The following NTAQ1 variants were observed in gnomAD, a reference collection of about 807,000 sequenced individuals.
NTAQ1 encodes the protein N-terminal glutamine amidase 1.
NTAQ1 carries 21 observed loss-of-function variants against 28.2 expected under a neutral mutation model. The observed-to-expected ratio is 0.74, with a 90% CI of 0.53 to 1.07. The LOEUF is 1.07. Among genes scored for constraint, NTAQ1 ranks in the 50% least tolerant of loss-of-function variants. The pLI is 0.00. For synonymous variants in NTAQ1, 105 were observed against 90.0 expected (o/e 1.17, Z -0.94); for missense variants, 264 against 256.6 (o/e 1.03, Z -0.20).
At chr8:123,465,768 G>T (rs767023317) in intron 6 of NTAQ1, among the ~76,000 whole-genome samples, 74 of 151,768 alleles carry the variant, frequency 4.9e-4, no homozygotes, top group Non-Finnish European at 7.8e-4. Context: ...TTTCAGTAGA[G>T]ATGGGGTTTC....
chr8:123,452,676 C>T (rs1815536800), downstream of NTAQ1, among the ~76,000 whole-genome samples: 3 of 151,654 alleles, frequency 2.0e-5, no homozygotes, highest in South Asian at 2.1e-4. Context: ...CCTAGGCGGG[C>T]GGATCACCTG....
At chr8:123,473,873 C>T (rs766026706), downstream of NTAQ1, among the ~76,000 whole-genome samples, 7 of 151,982 alleles carry the variant, frequency 4.6e-5, no homozygotes, top group Non-Finnish European at 7.4e-5. Context: ...ATAAAAGCTC[C>T]TGGTACATTA....
chr8:123,475,465 A>G, the NTAQ1 span, among the ~76,000 whole-genome samples: 1 of 152,202 alleles, frequency 6.6e-6, no homozygotes, highest in Non-Finnish European at 1.5e-5. Flanking sequence ...AAATATATGC[A>G]GGTATGCTAA....
downstream of NTAQ1, among the ~76,000 whole-genome samples, chr8:123,450,721 T>A (rs954571823): frequency 6.6e-6 from 1 of 152,062 alleles, no homozygotes; most frequent in African/African-American, 2.4e-5. Flanking sequence ...TCAGGGATAT[T>A]TCATCCAGGT....
intron 5 of NTAQ1, 29 bp downstream of exon 5, chr8:123,437,363 G>T: frequency 1.2e-6 from 2 of 1,612,850 alleles, no homozygotes; most frequent in South Asian, 2.2e-5. Context: ...TCAGATGGGG[G>T]TTCTGATTGA....
At chr8:123,452,733 C>G (rs1216163211), downstream of NTAQ1, among the ~76,000 whole-genome samples, 3 of 137,718 alleles carry the variant, frequency 2.2e-5, no homozygotes, top group Non-Finnish European at 4.8e-5. Flanking sequence ...GAAACCCCGT[C>G]TTTACTAAAA....
At chr8:123,450,578 G>A (rs1369762806), downstream of NTAQ1, among the ~76,000 whole-genome samples, 1 of 152,062 alleles carries the variant, frequency 6.6e-6, no homozygotes, top group Non-Finnish European at 1.5e-5. Context: ...GTCCTCCAGG[G>A]CCACTGTCTC....
downstream of NTAQ1, among the ~76,000 whole-genome samples, chr8:123,473,298 C>T (rs774803696): frequency 1.4e-4 from 20 of 140,110 alleles, no homozygotes; most frequent in Non-Finnish European, 2.6e-4. Context: ...TCTTGAAATT[C>T]TTTTTTTTTT....
intron 6 of NTAQ1, chr8:123,455,085 A>G (rs1219205567): frequency 6.6e-6 from 1 of 152,238 alleles, no homozygotes; most frequent in Non-Finnish European, 1.5e-5. Flanking sequence ...CTCATTGGCT[A>G]TGATACTGCC....
rs189012903 is a variant in NTAQ1 at position 123,453,454 on chromosome 8, G to A, written c.372+12105G>A. On this transcript the variant is annotated intron_variant, in intron 6 of 6. Transcript: ENST00000650311. Reference sequence around the variant, plus strand: ...TTTTTTTTTTCTTTTTTGGAACAGAGTTTTGCTCTTGTCACCTAGGCTGGA... The same window carrying A: ...TTTTTTTTTTCTTTTTTGGAACAGAATTTTGCTCTTGTCACCTAGGCTGGA... 1.3e-3 allele frequency among the ~76,000 whole-genome samples: 197 copies of A among 149,912 alleles called. 2 individuals are homozygous for A. Among genetic ancestry groups the A allele is most frequent in the African/African-American group, 4.6e-3 (188 of 40,838 alleles).
chr8:123,418,178 C>T (rs1414245202), intron 1 of NTAQ1, among the ~76,000 whole-genome samples: 1 of 152,156 alleles, frequency 6.6e-6, no homozygotes, highest in Admixed American at 6.5e-5. Flanking sequence ...AGGCCCGGTG[C>T]GATGGCTCAC....
chr8:123,428,062 T>G, intron 2 of NTAQ1, 39 bp downstream of exon 2: 1 of 1,447,666 alleles, frequency 6.9e-7, no homozygotes, highest in Non-Finnish European at 9.4e-7. Flanking sequence ...AACAAGAGAT[T>G]TAGGATGACA....
intron 6 of NTAQ1, among the ~76,000 whole-genome samples, chr8:123,460,474 G>T (rs1815790130): frequency 6.6e-6 from 1 of 152,186 alleles, no homozygotes; most frequent in South Asian, 2.1e-4. Flanking sequence ...ATTGCTTCTT[G>T]TGCTGGTCTT....
intron 1 of NTAQ1, among the ~76,000 whole-genome samples, chr8:123,426,226 T>G (rs187994656): frequency 2.6e-5 from 4 of 152,338 alleles, no homozygotes; most frequent in African/African-American, 9.6e-5. Context: ...CTCTGTTTGA[T>G]GTACTACTGG....
chr8:123,424,390 C>G (rs2130180055), intron 1 of NTAQ1, among the ~76,000 whole-genome samples: 1 of 152,166 alleles, frequency 6.6e-6, no homozygotes, highest in South Asian at 2.1e-4. Flanking sequence ...TTACAGGTGC[C>G]TGCCACCACA....
At chr8:123,423,290 C>T (rs1813828912) in intron 1 of NTAQ1, among the ~76,000 whole-genome samples, 1 of 91,062 alleles carries the variant, frequency 1.1e-5, no homozygotes, top group African/African-American at 4.1e-5. Context: ...TTCCTTCCTT[C>T]TCTTCTTTTG....
chr8:123,437,717 A>C (rs934444690), intron 5 of NTAQ1, among the ~76,000 whole-genome samples: 10 of 59,966 alleles, frequency 1.7e-4, no homozygotes, highest in Admixed American at 1.9e-4. Context: ...AAAAAAAAAA[A>C]CAAAAAACAA....
At chr8:123,429,893 AAAAATCCCGTCTCAAAAAAAAAAAAAG>A in intron 2 of NTAQ1, 63 bp from the exon 3 acceptor site, 2 of 636,334 alleles carry the variant, frequency 3.1e-6, no homozygotes, top group East Asian at 5.1e-5. Context: ...AAAAAAAAAA[AAAAATCCCGTCTCAAAAAAAAAAAAAG>A]GAAAATAATT....
chr8:123,435,068 A>G (rs866426589), intron 3 of NTAQ1, among the ~76,000 whole-genome samples: 14 of 152,330 alleles, frequency 9.2e-5, no homozygotes, highest in African/African-American at 3.4e-4. Context: ...TTAAACTCTA[A>G]GATATTGTAG....
Sources: allele counts gnomAD v4.1 joint callset (sites outside exome capture counted in the v4.1 genomes callset), GRCh38; gene constraint gnomAD v4.1.1; transcripts MANE v1.5; gene names NCBI Gene and HGNC (gene_info 2026-07-23, HGNC 2026-07-21).